The following DHRSX variants were observed in gnomAD, a reference collection of about 807,000 sequenced individuals.
The protein encoded by DHRSX is dehydrogenase/reductase X-linked.
In DHRSX, 31 loss-of-function variants were observed where a neutral mutation model predicts 34.0. The ratio of observed to expected loss-of-function variants is 0.91; its 90% confidence interval spans 0.69 to 1.23. DHRSX has a LOEUF of 1.23. Among genes scored for constraint, DHRSX ranks in the 50% most tolerant of loss-of-function variants. The pLI is 0.00. For synonymous variants in DHRSX, 201 were observed against 183.8 expected (o/e 1.09, Z -0.76); for missense variants, 414 against 428.1 (o/e 0.97, Z 0.29).
chrX:2,481,074 GATT>G (rs1186222700), intron 1 of DHRSX, among the ~76,000 whole-genome samples: 5 of 152,070 alleles, frequency 3.3e-5, no homozygotes, highest in Admixed American at 3.3e-4. Context: ...TAATTAGCTT[GATT>G]ATTGATATGT....
intron 3 of DHRSX, among the ~76,000 whole-genome samples, chrX:2,391,178 G>GT (rs1175065998): frequency 1.2e-4 from 19 of 152,334 alleles, no homozygotes; most frequent in African/African-American, 4.6e-4. Context: ...ATACCCAGCA[G>GT]TGGAATTCCT....
Position 2,331,436 on chromosome X carries a change from G to GTTTTTTTTTTTTTTT in DHRSX, c.287-39848_287-39834dup, listed in dbSNP as rs1159991841. On this transcript the variant is annotated intron_variant, in intron 3 of 6. Coordinates refer to ENST00000334651, the MANE Select transcript of DHRSX (RefSeq NM_145177.3). ...GGAATCCTTTCAGGAAGGTTTTTTG[G>GTTTTTTTTTTTTTTT]TTTTTTTTTTTTTTTTTTTTTTTTT... Among the ~76,000 whole-genome samples the GTTTTTTTTTTTTTTT allele has an allele frequency of 1.3e-3, 124 of 94,656 alleles. 8 individuals carry two copies. The highest frequency in any genetic ancestry group is 2.2e-3 in the Non-Finnish European group (100 of 46,456). The allele number at this position is 94,656 out of a possible 152,430, so 62.1% of individuals were successfully genotyped here.
Position 2,355,511 on chromosome X carries a change from TAAAAAAA to T in DHRSX, c.286+53227_286+53233del, listed in dbSNP as rs767512287. Among the ~76,000 whole-genome samples the T allele has an allele frequency of 2.0e-3, 151 of 75,270 alleles. 1 individual carries two copies. Among genetic ancestry groups the T allele is most frequent in the Non-Finnish European group, 2.6e-3 (109 of 41,192 alleles). 49.4% of individuals were successfully genotyped at this position (75,270 alleles called of 152,430 possible). On this transcript the variant is annotated intron_variant, in intron 3 of 6. Coordinates refer to ENST00000334651, the MANE Select transcript of DHRSX (RefSeq NM_145177.3). ...TGGGTGACAAGAGCGAGACCCCATC[TAAAAAAA>T]AAAAAAAAAAAAAAAAAAAAAAAAA...
chrX:2,489,669 C>T lies in DHRSX; in HGVS notation c.109+11148G>A, dbSNP rs375919589. ...GCCAGCGTGCTCCCCCACCAGGAGA[C>T]GCGGTTGCTCACCAGCATGCAGTGG... On this transcript the variant is annotated intron_variant, in intron 1 of 6. Transcript: ENST00000334651. 28 of 1,612,298 alleles carry T rather than the reference C, an allele frequency of 1.7e-5. No homozygotes were observed. In the South Asian group the frequency reaches 2.0e-4, roughly 11 times the overall value.
At chrX:2,266,709 G>A (rs780942676) in intron 5 of DHRSX, 31 bp downstream of exon 5, 7 of 1,602,604 alleles carry the variant, frequency 4.4e-6, no homozygotes, top group Non-Finnish European at 6.0e-6. Context: ...CACCTGAGAT[G>A]CTGTTATGAT....
intron 1 of DHRSX, among the ~76,000 whole-genome samples, chrX:2,437,698 AGTGTGTGTGT>A (rs57675169): frequency 1.4e-3 from 137 of 98,826 alleles, no homozygotes; most frequent in Admixed American, 1.5e-3. Context: ...AGAGAGAGAG[AGTGTGTGTGT>A]GTGTGTGTGT....
chrX:2,273,022 C>T (rs1888911980), intron 4 of DHRSX, among the ~76,000 whole-genome samples: 2 of 152,128 alleles, frequency 1.3e-5, no homozygotes, highest in Admixed American at 6.6e-5. Flanking sequence ...CCTGTCATCC[C>T]AGCACTTTGG....
At chrX:2,282,621 G>A (rs1324014346) in intron 4 of DHRSX, among the ~76,000 whole-genome samples, 22 of 57,056 alleles carry the variant, frequency 3.9e-4, no homozygotes, top group South Asian at 1.4e-3. Flanking sequence ...AAGAGGGGAG[G>A]GAGAGAAGAA....
intron 3 of DHRSX, among the ~76,000 whole-genome samples, chrX:2,309,864 G>A (rs752378994): frequency 6.6e-6 from 1 of 152,254 alleles, no homozygotes; most frequent in South Asian, 2.1e-4. Context: ...AGTGAGCTAT[G>A]ATTATGCCTC....
At chrX:2,312,459 G>T (rs1367809875) in intron 3 of DHRSX, among the ~76,000 whole-genome samples, 4 of 151,914 alleles carry the variant, frequency 2.6e-5, no homozygotes, top group African/African-American at 9.7e-5. Context: ...TCATTCTCAG[G>T]AAACTATCAC....
At chrX:2,266,024 C>T (rs980834552) in intron 5 of DHRSX, among the ~76,000 whole-genome samples, 1 of 142,230 alleles carries the variant, frequency 7.0e-6, no homozygotes, top group African/African-American at 2.7e-5. Flanking sequence ...AAGCACTGTT[C>T]CCAGAGCACC....
chrX:2,400,135 A>T (rs1243809456), intron 3 of DHRSX, among the ~76,000 whole-genome samples: 1 of 152,214 alleles, frequency 6.6e-6, no homozygotes, highest in Non-Finnish European at 1.5e-5. Flanking sequence ...AAACATAATT[A>T]ATCGTTGGCG....
intron 1 of DHRSX, chrX:2,490,444 G>C (rs143939578): frequency 7.6e-5 from 123 of 1,613,832 alleles, no homozygotes; most frequent in Non-Finnish European, 1.0e-4. Flanking sequence ...TGGAGAAGGC[G>C]GTGGCGAAGG....
intron 6 of DHRSX, among the ~76,000 whole-genome samples, chrX:2,234,325 T>C (rs1356834501): frequency 6.7e-6 from 1 of 148,574 alleles, no homozygotes. Flanking sequence ...CCTTCACCCA[T>C]GCACACAGCC....
chrX:2,266,891 C>T lies in DHRSX; in HGVS notation c.445G>A (p.Gly149Ser), dbSNP rs775240585. 34 of 1,613,880 alleles carry T rather than the reference C, an allele frequency of 2.1e-5. No individual in the cohort carries two copies. Among genetic ancestry groups the T allele is most frequent in the East Asian group, 4.5e-5 (2 of 44,876 alleles). Reference sequence around the variant, plus strand: ...AGGAAGTGCCCTAGGTAGTTCAGGCCGAAATGTTCTTCGAATCCATCTCTG... The same window carrying T: ...AGGAAGTGCCCTAGGTAGTTCAGGCTGAAATGTTCTTCGAATCCATCTCTG... ...KTRDGFEEHFGLNYLGHFLLT... is the reference protein window; with the variant it reads ...KTRDGFEEHFSLNYLGHFLLT... Residue 149 changes from glycine to serine, a missense_variant, in exon 5 of 7, where the codon GGC becomes AGC. Coordinates refer to ENST00000334651, the MANE Select transcript of DHRSX (RefSeq NM_145177.3).
intron 2 of DHRSX, among the ~76,000 whole-genome samples, chrX:2,419,764 A>G (rs961639688): frequency 3.1e-4 from 45 of 144,282 alleles, no homozygotes; most frequent in African/African-American, 1.1e-3. Flanking sequence ...TGGGAACTGA[A>G]CAATGAGAAC....
chrX:2,488,511 T>A, intron 1 of DHRSX: 1 of 1,265,392 alleles, frequency 7.9e-7, no homozygotes, highest in Non-Finnish European at 1.1e-6. Flanking sequence ...TTTTTCCACC[T>A]TCTAGGTGTC....
chrX:2,440,313 A>T (rs1208626527), intron 1 of DHRSX, among the ~76,000 whole-genome samples: 1 of 151,236 alleles, frequency 6.6e-6, no homozygotes, highest in East Asian at 2.0e-4. Context: ...CAAACCTCCC[A>T]TCTCAGCCTC....
chrX:2,459,734 T>G (rs2044376815), intron 1 of DHRSX, among the ~76,000 whole-genome samples: 2 of 151,980 alleles, frequency 1.3e-5, no homozygotes, highest in South Asian at 4.2e-4. Context: ...TGTCTCCTCT[T>G]AATTCAATAC....
Sources: allele counts gnomAD v4.1 joint callset (sites outside exome capture counted in the v4.1 genomes callset), GRCh38; gene constraint gnomAD v4.1.1; transcripts MANE v1.5; gene names NCBI Gene and HGNC (gene_info 2026-07-23, HGNC 2026-07-21).